BPTF: variants seen among roughly 807,000 people sequenced by gnomAD.
BPTF encodes the protein nucleosome-remodeling factor subunit BPTF.
Under a neutral mutation model 292.5 loss-of-function variants are expected in BPTF, and 18 were observed. That is an observed-to-expected ratio of 0.06 (90% confidence interval 0.04 to 0.09). The LOEUF (loss-of-function observed/expected upper bound fraction) is 0.09. Ranked by LOEUF, BPTF falls within the 10% of genes least tolerant of loss-of-function variation. BPTF has a pLI of 1.00. For missense variants in BPTF, 2,726 were observed against 3,498.7 expected, an observed-to-expected ratio of 0.78 and a Z score of 5.57; for synonymous variants, 1,225 against 1,251.9, an observed-to-expected ratio of 0.98 and a Z score of 0.45.
At chr17:67,869,047 C>A (rs1350882798) in intron 3 of BPTF, among the ~76,000 whole-genome samples, 1 of 152,202 alleles carries the variant, frequency 6.6e-6, no homozygotes, top group South Asian at 2.1e-4. Flanking sequence ...AACACAATCT[C>A]CGTCTTACTC....
At chr17:67,881,429 G>A (rs2060392468) in intron 4 of BPTF, among the ~76,000 whole-genome samples, 1 of 150,676 alleles carries the variant, frequency 6.6e-6, no homozygotes, top group Non-Finnish European at 1.5e-5. Context: ...ACGAGTTTAG[G>A]TGGTGAGATT....
chr17:67,927,010 A>T (rs1262041701), intron 15 of BPTF, among the ~76,000 whole-genome samples: 1 of 152,154 alleles, frequency 6.6e-6, no homozygotes, highest in African/African-American at 2.4e-5. Context: ...GAAATTGTGT[A>T]AAGTACTTTA....
intron 4 of BPTF, among the ~76,000 whole-genome samples, chr17:67,880,253 C>T (rs2060313522): frequency 6.6e-6 from 1 of 151,696 alleles, no homozygotes; most frequent in South Asian, 2.1e-4. Flanking sequence ...CTTTGTTGAC[C>T]TTCTTTATTG....
chr17:67,875,482 G>T, intron 4 of BPTF: 2 of 1,202,224 alleles, frequency 1.7e-6, no homozygotes, highest in South Asian at 2.4e-5. Context: ...TTTAGTAGTT[G>T]ACTGAATGTG....
chr17:67,901,795 C>T (rs757933465), intron 7 of BPTF, among the ~76,000 whole-genome samples: 1 of 152,204 alleles, frequency 6.6e-6, no homozygotes, highest in South Asian at 2.1e-4. Flanking sequence ...TATGATTGCA[C>T]TGTTCTGAAG....
At chr17:67,944,414 AC>A in intron 20 of BPTF, 42 bp downstream of exon 20, 1 of 1,597,394 alleles carries the variant, frequency 6.3e-7, no homozygotes, top group African/African-American at 1.3e-5. Context: ...TGTTACTACT[AC>A]ACGTGGCTGG....
chr17:67,918,150 G>A (rs2063178661), intron 11 of BPTF, among the ~76,000 whole-genome samples: 2 of 151,968 alleles, frequency 1.3e-5, no homozygotes, highest in Admixed American at 1.3e-4. Context: ...TGGTCAGGCT[G>A]GTGTCGAACT....
At chr17:67,940,320 A>G (rs2065264278) in intron 18 of BPTF, 119 bp from the exon 19 acceptor site, 1 of 939,176 alleles carries the variant, frequency 1.1e-6, no homozygotes, top group African/African-American at 1.6e-5. Flanking sequence ...TAGGCTCTGA[A>G]TATCCCAGTG....
chr17:67,967,481 G>C (rs1164084887), intron 26 of BPTF, among the ~76,000 whole-genome samples: 1 of 151,840 alleles, frequency 6.6e-6, no homozygotes, highest in Non-Finnish European at 1.5e-5. Context: ...TCATTTCTTA[G>C]GATTTACATG....
At chr17:67,872,106 G>A (rs775207545) in intron 3 of BPTF, among the ~76,000 whole-genome samples, 10 of 152,190 alleles carry the variant, frequency 6.6e-5, no homozygotes, top group Admixed American at 1.3e-4. Flanking sequence ...GATTACAGGC[G>A]TGAGCCACTG....
intron 7 of BPTF, among the ~76,000 whole-genome samples, chr17:67,898,823 A>G (rs2061625856): frequency 6.7e-6 from 1 of 150,314 alleles, no homozygotes; most frequent in African/African-American, 2.4e-5. Flanking sequence ...TTGGGCAACC[A>G]CGTCAGGAGA....
Position 67,879,919 on chromosome 17 carries a change from C to T in BPTF, c.1864+4899C>T, listed in dbSNP as rs543186532. ...AATCCAAACACCTCCCATTAGGCCCCACCTCCAACATTGGGATCAAATTTC... is the reference window on the plus strand; with the variant it reads ...AATCCAAACACCTCCCATTAGGCCCTACCTCCAACATTGGGATCAAATTTC... On this transcript the variant is annotated intron_variant, in intron 4 of 27. Transcript: ENST00000306378. Among the ~76,000 whole-genome samples the T allele has an allele frequency of 1.4e-4, 22 of 152,286 alleles. 1 individual carries two copies. The highest frequency in any genetic ancestry group is 4.1e-4 in the South Asian group (2 of 4,824).
At chr17:67,954,729 G>C (rs369927155) in intron 23 of BPTF, among the ~76,000 whole-genome samples, 1 of 152,334 alleles carries the variant, frequency 6.6e-6, no homozygotes, top group South Asian at 2.1e-4. Flanking sequence ...GGAGAGGGAA[G>C]ATCAAAGTGT....
Position 67,940,554 on chromosome 17 carries a change from G to GTCC in BPTF, c.6376_6378dup (p.Ser2126dup). ...GGCAGAAAAGCTTAACTTCAGCAACGTCCACTTCAAATATACAGTCTTCAG... is the reference window on the plus strand; with the variant it reads ...GGCAGAAAAGCTTAACTTCAGCAACGTCCTCCACTTCAAATATACAGTCTTCAG... On this transcript the variant is annotated inframe_insertion, in exon 19 of 28. Transcript: ENST00000306378. 1 of 1,614,024 alleles carries GTCC rather than the reference G, an allele frequency of 6.2e-7. No individual in the cohort carries two copies.
chr17:67,825,708 C>T lies in BPTF; in HGVS notation c.-17C>T, dbSNP rs1483258751. ...CCTCCCCCTTCGCTTTCCTTCTCCC[C>T]CCGCCTCGGCTCCGACATGAGGGGC... On this transcript the variant is annotated 5_prime_UTR_variant, in exon 1 of 28. Transcript: ENST00000306378. 3.8e-6 allele frequency: 4 copies of T among 1,049,944 alleles called. No homozygotes were observed. The highest frequency in any genetic ancestry group is 1.7e-5 in the African/African-American group (1 of 57,844). The allele number at this position is 1,049,944 out of a possible 1,614,324, so 65.0% of individuals were successfully genotyped here.
In BPTF at chr17:67,907,449, G is replaced by A. The variant is rs1453249677; in HGVS notation, c.2813-2133G>A. Among the ~76,000 whole-genome samples the A allele has an allele frequency of 2.7e-5, 4 of 150,598 alleles. No individual in the cohort carries two copies. The East Asian group carries it at 5.9e-4, about 22-fold the overall frequency. On this transcript the variant is annotated intron_variant, in intron 9 of 27. Transcript: ENST00000306378. ...CAGCTCACTGCAACCTCCACCTCCCGGGTTCAATCAATTCTCTTGCCTCAG... is the reference window on the plus strand; with the variant it reads ...CAGCTCACTGCAACCTCCACCTCCCAGGTTCAATCAATTCTCTTGCCTCAG...
At chr17:67,956,781 G>C (rs1555681273) in intron 23 of BPTF, 2 of 151,484 alleles carry the variant, frequency 1.3e-5, no homozygotes, top group African/African-American at 2.4e-5. Flanking sequence ...GGCTAACATG[G>C]TGAAACCCCA....
chr17:67,946,903 C>T (rs2065851296), intron 21 of BPTF, among the ~76,000 whole-genome samples: 1 of 152,216 alleles, frequency 6.6e-6, no homozygotes, highest in Admixed American at 6.5e-5. Context: ...ACACATATAA[C>T]ATCTGATAAC....
intron 7 of BPTF, among the ~76,000 whole-genome samples, chr17:67,897,906 A>G (rs1344014573): frequency 6.6e-6 from 1 of 152,142 alleles, no homozygotes; most frequent in Admixed American, 6.5e-5. Flanking sequence ...CTTTATTAAT[A>G]TTTATTAATA....
Sources: gnomAD v4.1 joint callset for allele counts (sites outside exome capture counted in the v4.1 genomes callset) on GRCh38, gnomAD v4.1.1 for gene constraint, MANE v1.5 for transcripts, NCBI Gene and HGNC (gene_info 2026-07-23, HGNC 2026-07-21) for gene names.